ABCB5: variants seen among roughly 807,000 people sequenced by gnomAD.
ABCB5 encodes ATP binding cassette subfamily B member 5, also known as ATP-binding cassette sub-family B member 5.
Under a neutral mutation model 144.2 loss-of-function variants are expected in ABCB5, and 155 were observed. The ratio of observed to expected loss-of-function variants is 1.08; its 90% CI spans 0.94 to 1.23. The LOEUF is 1.23. ABCB5 is among the 50% of genes most tolerant of loss of function. The pLI, the probability that ABCB5 is intolerant of heterozygous loss-of-function variation, is 0.00. For synonymous variants in ABCB5, 610 were observed against 528.6 expected (o/e 1.15, Z -2.11); for missense variants, 1,830 against 1,520.8 (o/e 1.20, Z -3.38).
At chr7:20,753,973 CAT>C (rs1043519176) in intron 27 of ABCB5, among the ~76,000 whole-genome samples, 1 of 152,214 alleles carries the variant, frequency 6.6e-6, no homozygotes, top group Non-Finnish European at 1.5e-5. Context: ...CAAAGTGACA[CAT>C]GAGAAAATAC....
At chr7:20,664,842 C>G (rs1471092111) in intron 14 of ABCB5, among the ~76,000 whole-genome samples, 1 of 152,280 alleles carries the variant, frequency 6.6e-6, no homozygotes. Context: ...GTAATCCCAG[C>G]TACTTGGGAG....
At chr7:20,738,955 A>C (rs1345304757) in intron 23 of ABCB5, 28 bp from the exon 24 acceptor site, 13 of 1,553,348 alleles carry the variant, frequency 8.4e-6, no homozygotes, top group Non-Finnish European at 1.1e-5. Flanking sequence ...CGATGGACCT[A>C]AGATTCAAAT....
At chr7:20,668,410 C>T (rs1351350316) in intron 14 of ABCB5, among the ~76,000 whole-genome samples, 1,236 of 149,584 alleles carry the variant, frequency 8.3e-3, no homozygotes, top group Non-Finnish European at 0.013. Context: ...TCTGCTGGGC[C>T]GCAACCCTGT....
At chr7:20,750,925 A>T (rs1024012266) in intron 26 of ABCB5, among the ~76,000 whole-genome samples, 2 of 152,198 alleles carry the variant, frequency 1.3e-5, no homozygotes, top group Non-Finnish European at 2.9e-5. Flanking sequence ...CCTCTGAGAC[A>T]CACACCAGGT....
At chr7:20,677,716 G>A (rs193038530) in intron 14 of ABCB5, among the ~76,000 whole-genome samples, 8 of 152,228 alleles carry the variant, frequency 5.3e-5, no homozygotes, top group Non-Finnish European at 1.0e-4. Flanking sequence ...GTGACAGAGC[G>A]AGACTCTGTC....
chr7:20,667,118 A>G (rs1176556706), intron 14 of ABCB5: 1 of 774,706 alleles, frequency 1.3e-6, no homozygotes, highest in African/African-American at 1.9e-5. Flanking sequence ...TCTGAGGCAC[A>G]GTTTTTTCCC....
intron 26 of ABCB5, among the ~76,000 whole-genome samples, chr7:20,752,085 G>T (rs144815662): frequency 5.0e-4 from 76 of 152,316 alleles, no homozygotes; most frequent in African/African-American, 1.7e-3. Flanking sequence ...TGGAGAGAAA[G>T]GCAATTCCCT....
intron 14 of ABCB5, among the ~76,000 whole-genome samples, chr7:20,668,788 G>T (rs1409431959): frequency 7.6e-6 from 1 of 131,186 alleles, no homozygotes; most frequent in Non-Finnish European, 1.6e-5. Flanking sequence ...CTGCCCGGCC[G>T]CCCCTACTGG....
chr7:20,674,944 TAAG>T (rs932642906), intron 14 of ABCB5, among the ~76,000 whole-genome samples: 2 of 151,834 alleles, frequency 1.3e-5, no homozygotes, highest in Non-Finnish European at 2.9e-5. Context: ...GAAATAAACT[TAAG>T]AAGCTGAAAT....
chr7:20,643,511 T>C lies in ABCB5; in HGVS notation c.557T>C (p.Phe186Ser). ...DGIGDKIALL[F>S]QNMSTFSIGL... Reference sequence around the variant, plus strand: ...ATTGGAGATAAGATTGCTCTGTTGTTTCAAAACATGTCTACTTTTTCGATT... The same window carrying C: ...ATTGGAGATAAGATTGCTCTGTTGTCTCAAAACATGTCTACTTTTTCGATT... The change falls in exon 7 of 28, where the codon TTT becomes TCT. Residue 186 changes from phenylalanine to serine, a missense_variant. Phe to Ser is a radical substitution (Grantham distance 155). Coordinates refer to ENST00000404938, the MANE Select transcript of ABCB5 (RefSeq NM_001163941.2). 6.2e-7 allele frequency: 1 copy of C among 1,614,050 alleles called. No individual in the cohort carries two copies. The highest frequency in any genetic ancestry group is 1.1e-5 in the South Asian group (1 of 91,078).
At chr7:20,636,076 C>G (rs1488875538) in intron 5 of ABCB5, among the ~76,000 whole-genome samples, 1 of 152,070 alleles carries the variant, frequency 6.6e-6, no homozygotes, top group African/African-American at 2.4e-5. Flanking sequence ...TAGTGTTGTT[C>G]TGGGCTACAA....
At chr7:20,696,820 A>G (rs1786433372) in intron 16 of ABCB5, among the ~76,000 whole-genome samples, 1 of 151,916 alleles carries the variant, frequency 6.6e-6, no homozygotes, top group African/African-American at 2.4e-5. Flanking sequence ...CTTCTTTTCT[A>G]TCTTGACAAC....
chr7:20,746,745 T>C (rs1328188429), intron 26 of ABCB5, among the ~76,000 whole-genome samples: 6 of 152,194 alleles, frequency 3.9e-5, no homozygotes, highest in Non-Finnish European at 8.8e-5. Flanking sequence ...ATTGTAACTT[T>C]AAGTGTTTAT....
At chr7:20,647,705 A>G in intron 10 of ABCB5, 57 bp downstream of exon 10, 1 of 1,531,494 alleles carries the variant, frequency 6.5e-7, no homozygotes, top group South Asian at 1.3e-5. Context: ...AGGAGACAAA[A>G]AAACATACAC....
intron 14 of ABCB5, among the ~76,000 whole-genome samples, chr7:20,669,145 G>A (rs1409895358): frequency 6.6e-5 from 10 of 150,662 alleles, no homozygotes; most frequent in Non-Finnish European, 7.4e-5. Context: ...CCATCCGGGA[G>A]GTGAGGGGCG....
intron 12 of ABCB5, among the ~76,000 whole-genome samples, 153 bp from the exon 13 acceptor site, chr7:20,651,267 A>G (rs1055283670): frequency 6.6e-5 from 10 of 152,188 alleles, no homozygotes; most frequent in Non-Finnish European, 1.0e-4. Flanking sequence ...GTCTATGGAC[A>G]ATATATATGT....
chr7:20,685,179 T>C (rs1785954121), intron 15 of ABCB5, among the ~76,000 whole-genome samples: 1 of 152,172 alleles, frequency 6.6e-6, no homozygotes, highest in South Asian at 2.1e-4. Flanking sequence ...CTTTGGAATT[T>C]CTTATTGTTG....
chr7:20,741,051 C>T (rs373971919), intron 24 of ABCB5, among the ~76,000 whole-genome samples: 3 of 146,016 alleles, frequency 2.1e-5, no homozygotes, highest in African/African-American at 5.1e-5. Flanking sequence ...TGCAGTGAGC[C>T]GAGATCACAC....
chr7:20,752,828 A>G (rs1782973313), intron 26 of ABCB5, among the ~76,000 whole-genome samples: 1 of 152,214 alleles, frequency 6.6e-6, no homozygotes, highest in Non-Finnish European at 1.5e-5. Context: ...ACTGGGTAAC[A>G]GAGCGAGACA....
Sources: allele counts gnomAD v4.1 joint callset (sites outside exome capture counted in the v4.1 genomes callset), GRCh38; gene constraint gnomAD v4.1.1; transcripts MANE v1.5; gene names NCBI Gene and HGNC (gene_info 2026-07-23, HGNC 2026-07-21).